E2F3: variants seen among roughly 807,000 people sequenced by gnomAD.
E2F3 encodes the protein E2F transcription factor 3, also known as transcription factor E2F3.
E2F3 carries 11 observed loss-of-function variants against 44.4 expected under a neutral mutation model. The observed-to-expected ratio is 0.25, with a 90% confidence interval of 0.16 to 0.41. The LOEUF is 0.41. Among genes scored for constraint, E2F3 ranks in the 10% least tolerant of loss-of-function variants. E2F3 has a pLI of 1.00. For synonymous variants in E2F3, 249 were observed against 253.0 expected (o/e 0.98, Z 0.15); for missense variants, 487 against 583.6 (o/e 0.83, Z 1.70).
At position 20,457,245 on chromosome 6, in the gene E2F3, G is replaced by A. The variant is rs181607478; in HGVS notation, c.394-22601G>A. On this transcript the variant is annotated intron_variant, in intron 1 of 6. Transcript: ENST00000346618. ...GCTGGAGTACAGTGGTCCCATCTTG[G>A]CTCACTGCACCCTCCGCACCCCAGG... Among the ~76,000 whole-genome samples, 124 of 151,604 alleles carry A rather than the reference G, an allele frequency of 8.2e-4. 1 individual carries two copies. The highest frequency in any genetic ancestry group is 6.8e-3 in the Middle Eastern group (2 of 294).
At position 20,459,588 on chromosome 6, in the gene E2F3, A is replaced by G. The variant is rs1761432095; in HGVS notation, c.394-20258A>G. Reference sequence around the variant, plus strand: ...AAATTAAAGGTTTGTTAGAGGATCCACTTTCCTTTAATTAAAATAATCGAT... The same window carrying G: ...AAATTAAAGGTTTGTTAGAGGATCCGCTTTCCTTTAATTAAAATAATCGAT... On this transcript the variant is annotated intron_variant, in intron 1 of 6. Coordinates refer to ENST00000346618, the MANE Select transcript of E2F3 (RefSeq NM_001949.5). 2.6e-5 allele frequency among the ~76,000 whole-genome samples: 4 copies of G among 152,200 alleles called. 1 individual carries two copies. The highest frequency in any genetic ancestry group is 4.1e-4 in the South Asian group (2 of 4,834).
intron 1 of E2F3, among the ~76,000 whole-genome samples, chr6:20,462,377 G>A (rs1290605079): frequency 6.6e-6 from 1 of 151,676 alleles, no homozygotes; most frequent in Non-Finnish European, 1.5e-5. Context: ...CTTCATGTAT[G>A]TGTGGAGCTG....
At chr6:20,412,368 AT>A (rs1318275676) in intron 1 of E2F3, among the ~76,000 whole-genome samples, 3 of 151,586 alleles carry the variant, frequency 2.0e-5, no homozygotes, top group Non-Finnish European at 2.9e-5. Context: ...TAAGACATGG[AT>A]TTTTTTTCTT....
intron 1 of E2F3, among the ~76,000 whole-genome samples, chr6:20,467,467 C>T (rs1761751731): frequency 6.6e-6 from 1 of 152,064 alleles, no homozygotes; most frequent in African/African-American, 2.4e-5. Flanking sequence ...TGATACCAAT[C>T]TAAAAAATGA....
At chr6:20,418,851 T>G (rs1348332820) in intron 1 of E2F3, among the ~76,000 whole-genome samples, 3 of 152,004 alleles carry the variant, frequency 2.0e-5, no homozygotes, top group South Asian at 4.1e-4. Flanking sequence ...TTTTTTTTTT[T>G]GTAAGAAAAT....
intron 1 of E2F3, among the ~76,000 whole-genome samples, chr6:20,476,022 C>T (rs749776051): frequency 1.3e-5 from 2 of 152,182 alleles, no homozygotes; most frequent in Non-Finnish European, 2.9e-5. Context: ...CATCTTGACT[C>T]AGCCAGTTCC....
chr6:20,445,335 G>T (rs775547500), intron 1 of E2F3, among the ~76,000 whole-genome samples: 1 of 151,826 alleles, frequency 6.6e-6, no homozygotes, highest in African/African-American at 2.4e-5. Flanking sequence ...CGCCTCCCGG[G>T]TTCAAGCGAT....
At chr6:20,431,383 T>C (rs984165570) in intron 1 of E2F3, among the ~76,000 whole-genome samples, 1 of 152,222 alleles carries the variant, frequency 6.6e-6, no homozygotes, top group Non-Finnish European at 1.5e-5. Context: ...TCGCATCCCA[T>C]GGCCCAGTGT....
chr6:20,419,550 TTTATTTAC>T lies in E2F3; in HGVS notation c.393+16929_393+16936del, dbSNP rs1217151230. Among the ~76,000 whole-genome samples the T allele has an allele frequency of 1.1e-3, 154 of 143,094 alleles. 1 individual carries two copies. Among genetic ancestry groups the T allele is most frequent in the African/African-American group, 4.0e-3 (144 of 35,972 alleles). The allele number at this position is 143,094 out of a possible 152,430, so 93.9% of individuals were successfully genotyped here. A position where few individuals can be genotyped will look rare whatever the true frequency, so the allele number is the denominator to read the frequency against. ...CTCCTTTTATTTATTTATTTATTTA[TTTATTTAC>T]TTACTTACTTACTTACTTATTTTGA... On this transcript the variant is annotated intron_variant, in intron 1 of 6. Transcript: ENST00000346618.
At chr6:20,455,359 C>G (rs898015915) in intron 1 of E2F3, among the ~76,000 whole-genome samples, 1 of 152,184 alleles carries the variant, frequency 6.6e-6, no homozygotes, top group Non-Finnish European at 1.5e-5. Context: ...CAGGACTGGA[C>G]TTTCCCACTT....
rs57510288 is a variant in E2F3, at chr6:20,424,383, A to ATG, written c.393+21784_393+21785dup. Among the ~76,000 whole-genome samples, 941 of 147,048 alleles carry ATG rather than the reference A, an allele frequency of 6.4e-3. 10 individuals are homozygous for ATG. Among genetic ancestry groups the ATG allele is most frequent in the African/African-American group, 0.02 (801 of 40,130 alleles). On this transcript the variant is annotated intron_variant, in intron 1 of 6. Transcript: ENST00000346618. ...AGAGAGACACAGAGAGAGTGTGTGTATGTGTGTGTGTGTGTGTGTGTGTGT... is the reference window on the plus strand; with the variant it reads ...AGAGAGACACAGAGAGAGTGTGTGTATGTGTGTGTGTGTGTGTGTGTGTGTGT...
At position 20,402,397 on chromosome 6, in the gene E2F3, C is replaced by G; in HGVS notation, c.165C>G (p.Gly55=). The part of the protein sequence containing the change: ...AAAAAAAAAP[G]AYIQILTTNT... ...CCGCCGCCGCTGCCGCCGCCCCGGG[C>G]GCGTACATCCAGATCCTCACCACGA... is the stretch of plus-strand genomic sequence containing the variant. Residue 55 remains glycine, a synonymous_variant, in exon 1 of 7, where the codon GGC becomes GGG. Transcript: ENST00000346618. The surrounding 1 kb of genome is among the most constrained non-coding windows in gnomAD (Gnocchi z 5.6). 1 of 1,610,746 alleles carries G rather than the reference C, an allele frequency of 6.2e-7. No individual in the cohort carries two copies. The highest frequency in any genetic ancestry group is 8.5e-7 in the Non-Finnish European group (1 of 1,178,972).
intron 1 of E2F3, among the ~76,000 whole-genome samples, chr6:20,429,747 G>A (rs1040469415): frequency 1.3e-5 from 2 of 151,240 alleles, no homozygotes; most frequent in Non-Finnish European, 2.9e-5. Context: ...AACCCACATT[G>A]ATGTTTTATC....
At chr6:20,479,037 G>A (rs1203429455) in intron 1 of E2F3, among the ~76,000 whole-genome samples, 1 of 152,150 alleles carries the variant, frequency 6.6e-6, no homozygotes, top group African/African-American at 2.4e-5. Context: ...CCTAGAAGAC[G>A]CTATGTGGAT....
At chr6:20,474,228 G>T (rs1245152099) in intron 1 of E2F3, among the ~76,000 whole-genome samples, 1 of 152,054 alleles carries the variant, frequency 6.6e-6, no homozygotes, top group Non-Finnish European at 1.5e-5. Context: ...CATTACCATT[G>T]CACCCAGCTC....
chr6:20,428,218 ATTTTTTATTT>A lies in E2F3; in HGVS notation c.393+25607_393+25616del, dbSNP rs375840845. ...TTTCTAGACCCAAACTTCCTCTTTT[ATTTTTTATTT>A]TTTTTTATTTTTTGAGATGGATTCT... On this transcript the variant is annotated intron_variant, in intron 1 of 6. Coordinates refer to ENST00000346618, the MANE Select transcript of E2F3 (RefSeq NM_001949.5). Among the ~76,000 whole-genome samples the A allele has an allele frequency of 2.7e-3, 402 of 151,594 alleles. 2 individuals are homozygous for A. The highest frequency in any genetic ancestry group is 8.5e-3 in the African/African-American group (351 of 41,262).
In E2F3 at chr6:20,402,857, G is replaced by A. The variant is rs1296613106; in HGVS notation, c.393+232G>A. 6.6e-6 allele frequency among the ~76,000 whole-genome samples: 1 copy of A among 152,106 alleles called. No individual in the cohort carries two copies. Among genetic ancestry groups the A allele is most frequent in the Non-Finnish European group, 1.5e-5 (1 of 68,006 alleles). ...GGGGCGGCGGGGATTGCCTTGGCGC[G>A]AACCACATCAAACACTCCAAAACTT... On this transcript the variant is annotated intron_variant, in intron 1 of 6. Transcript: ENST00000346618. This position sits in a 1 kb window ranked among gnomAD's most constrained non-coding sequence, Gnocchi z 5.6.
At position 20,490,368 on chromosome 6, in the gene E2F3, G is replaced by A. The variant is rs749949370; in HGVS notation, c.1336G>A (p.Asp446Asn). 1.4e-5 allele frequency: 22 copies of A among 1,612,896 alleles called. No homozygotes were observed. The highest frequency in any genetic ancestry group is 8.9e-5 in the East Asian group (4 of 44,854). The change falls in exon 7 of 7, where the codon GAT (aspartate) becomes AAT (asparagine). Residue 446 changes from aspartate (D) to asparagine (N), a missense_variant. Transcript: ENST00000346618. The surrounding 1 kb of genome is among the most constrained non-coding windows in gnomAD (Gnocchi z 4.3). ...CCTCGGGGAGGAGGAAGGCATCAGCGATCTCTTCGATGCTTACGATTTGGA... is the reference window on the plus strand; with the variant it reads ...CCTCGGGGAGGAGGAAGGCATCAGCAATCTCTTCGATGCTTACGATTTGGA... ...LSLGEEEGISDLFDAYDLEKL... is the reference protein window; with the variant it reads ...LSLGEEEGISNLFDAYDLEKL...
chr6:20,460,406 G>A (rs1761460925), intron 1 of E2F3, among the ~76,000 whole-genome samples: 1 of 151,938 alleles, frequency 6.6e-6, no homozygotes, highest in South Asian at 2.1e-4. Flanking sequence ...CTTTACATTG[G>A]AAACCATGCC....
Sources: allele counts gnomAD v4.1 joint callset (sites outside exome capture counted in the v4.1 genomes callset), GRCh38; gene constraint gnomAD v4.1.1; non-coding constraint Gnocchi (gnomAD v3.1); transcripts MANE v1.5; gene names NCBI Gene and HGNC (gene_info 2026-07-23, HGNC 2026-07-21).